Variants in PHTF1 observed in about 807,000 individuals in gnomAD.
The protein encoded by PHTF1 is protein PHTF1.
Under a neutral mutation model 102.4 loss-of-function variants are expected in PHTF1, and 88 were observed. The ratio of observed to expected loss-of-function variants is 0.86; its 90% CI spans 0.72 to 1.03. The LOEUF is 1.03. Ranked by LOEUF, PHTF1 falls within the 50% of genes least tolerant of loss-of-function variation. PHTF1 has a pLI of 0.00. For synonymous variants in PHTF1, 289 were observed against 305.2 expected (o/e 0.95, Z 0.55); for missense variants, 814 against 909.5 (o/e 0.89, Z 1.35).
intron 15 of PHTF1, among the ~76,000 whole-genome samples, chr1:113,703,125 G>C (rs1649631616): frequency 6.6e-6 from 1 of 152,166 alleles, no homozygotes; most frequent in Admixed American, 6.5e-5. Flanking sequence ...ATGGCTGACA[G>C]AATAAGCAGA....
chr1:113,739,991 C>T (rs1024073965), intron 3 of PHTF1, among the ~76,000 whole-genome samples: 3 of 152,124 alleles, frequency 2.0e-5, no homozygotes, highest in African/African-American at 4.8e-5. Context: ...TTGATGGACA[C>T]GTACACTGAA....
At chr1:113,754,790 T>C (rs1658599930) in intron 3 of PHTF1, among the ~76,000 whole-genome samples, 1 of 152,168 alleles carries the variant, frequency 6.6e-6, no homozygotes, top group South Asian at 2.1e-4. Flanking sequence ...TTAAAACCTT[T>C]CAATTTTCTA....
At chr1:113,706,207 T>C in intron 12 of PHTF1, 45 bp from the exon 13 acceptor site, 1 of 1,506,062 alleles carries the variant, frequency 6.6e-7, no homozygotes, top group East Asian at 2.3e-5. Flanking sequence ...GTTAGCTAAA[T>C]GGAGTTACAA....
chr1:113,742,993 T>C (rs1656664285), intron 3 of PHTF1, among the ~76,000 whole-genome samples: 1 of 151,996 alleles, frequency 6.6e-6, no homozygotes, highest in Admixed American at 6.6e-5. Context: ...GTTGTTGTTT[T>C]TGTAGAGAAG....
chr1:113,700,862 G>A lies in PHTF1; in HGVS notation c.1978C>T (p.Arg660Cys), dbSNP rs199544296. ...WETALLLFLL[R>C]LASLGSETNK... is the part of the protein sequence containing the mutation. ...GTTTCAGACCCCAGTGAGGCCAGACGCAATAAAAAAAGTAGTAAAGCTGTT... is the reference window on the plus strand; with the variant it reads ...GTTTCAGACCCCAGTGAGGCCAGACACAATAAAAAAAGTAGTAAAGCTGTT... Residue 660 changes from arginine to cysteine, a missense_variant, in exon 16 of 19, where the codon CGT becomes TGT. Coordinates refer to ENST00000369604, the MANE Select transcript of PHTF1 (RefSeq NM_001323043.2). 5.6e-5 allele frequency: 91 copies of A among 1,611,152 alleles called. No homozygotes were observed. The highest frequency in any genetic ancestry group is 1.1e-4 in the South Asian group (10 of 90,578).
At chr1:113,730,557 T>C (rs994983499) in intron 5 of PHTF1, among the ~76,000 whole-genome samples, 3 of 152,180 alleles carry the variant, frequency 2.0e-5, no homozygotes, top group Non-Finnish European at 4.4e-5. Context: ...GTTGTATCAT[T>C]ATAAAATCTA....
At chr1:113,698,022 AT>A (rs1253394713) in intron 18 of PHTF1, among the ~76,000 whole-genome samples, 1 of 152,136 alleles carries the variant, frequency 6.6e-6, no homozygotes, top group South Asian at 2.1e-4. Flanking sequence ...TTCAAACTTG[AT>A]TTTTTTTGTT....
intron 3 of PHTF1, among the ~76,000 whole-genome samples, chr1:113,746,672 C>CA (rs1467926087): frequency 1.3e-5 from 2 of 152,182 alleles, no homozygotes; most frequent in Non-Finnish European, 2.9e-5. Flanking sequence ...TAAATACTCA[C>CA]ATACCTCTAA....
chr1:113,725,865 G>C (rs1425930057), intron 6 of PHTF1: 1 of 153,796 alleles, frequency 6.5e-6, no homozygotes, highest in Non-Finnish European at 1.5e-5. Flanking sequence ...CTACTTGAGA[G>C]GCTGAGGCAG....
At chr1:113,724,334 A>T (rs1314281381) in intron 7 of PHTF1, among the ~76,000 whole-genome samples, 1 of 152,046 alleles carries the variant, frequency 6.6e-6, no homozygotes, top group East Asian at 1.9e-4. Context: ...GAGGTCAGGA[A>T]TTCGATATCA....
intron 3 of PHTF1, among the ~76,000 whole-genome samples, chr1:113,754,665 T>C (rs559055710): frequency 6.6e-6 from 1 of 152,284 alleles, no homozygotes; most frequent in Admixed American, 6.5e-5. Context: ...ATATAGACAT[T>C]GAGAATAATA....
At chr1:113,721,245 G>GA (rs970469523) in intron 7 of PHTF1, among the ~76,000 whole-genome samples, 11 of 152,070 alleles carry the variant, frequency 7.2e-5, no homozygotes, top group African/African-American at 1.9e-4. Context: ...AAGAATGAAG[G>GA]AAAAAAACCA....
At chr1:113,749,060 T>TA (rs1657636396) in intron 3 of PHTF1, among the ~76,000 whole-genome samples, 1 of 152,212 alleles carries the variant, frequency 6.6e-6, no homozygotes, top group African/African-American at 2.4e-5. Context: ...TCCACTCTCT[T>TA]AGCATTTTTC....
intron 3 of PHTF1, among the ~76,000 whole-genome samples, chr1:113,749,874 C>G (rs990456723): frequency 6.6e-6 from 1 of 152,194 alleles, no homozygotes; most frequent in Non-Finnish European, 1.5e-5. Context: ...ACTGTAGTCT[C>G]TTCTTCCATT....
intron 3 of PHTF1, among the ~76,000 whole-genome samples, chr1:113,756,022 G>A (rs560737447): frequency 8.8e-5 from 13 of 148,404 alleles, no homozygotes; most frequent in South Asian, 8.5e-4. Context: ...AGCCGAGATC[G>A]CTCCACTGCA....
chr1:113,753,726 T>C (rs1208481076), intron 3 of PHTF1, among the ~76,000 whole-genome samples: 2 of 150,832 alleles, frequency 1.3e-5, no homozygotes, highest in African/African-American at 4.9e-5. Flanking sequence ...GCCCAGCCTT[T>C]TTTTTTTTTT....
intron 3 of PHTF1, 114 bp from the exon 4 acceptor site, chr1:113,738,913 G>A (rs190637137): frequency 1.5e-4 from 94 of 623,624 alleles, no homozygotes; most frequent in African/African-American, 3.4e-4. Flanking sequence ...GTGCAATGGC[G>A]TGATCTCGGC....
At chr1:113,758,815 C>G in intron 1 of PHTF1, 82 bp from the exon 2 acceptor site, 1 of 1,473,444 alleles carries the variant, frequency 6.8e-7, no homozygotes, top group Non-Finnish European at 9.0e-7. Flanking sequence ...AAAACCGCTT[C>G]TCTCAGCCTC....
Position 113,713,206 on chromosome 1 carries a change from T to C in PHTF1, c.783+73A>G, listed in dbSNP as rs17031795. The stretch of plus-strand genomic sequence containing the variant: ...TAAACCTACTAGTACCTATTTTATA[T>C]CTCTAACAGAATCTTAATAGGAAAA... On this transcript the variant is annotated intron_variant, in intron 8 of 18. Transcript: ENST00000369604. 0.12 allele frequency: 167,558 copies of C among 1,340,932 alleles called. 11,075 individuals carry two copies. The highest frequency in any genetic ancestry group is 0.21 in the East Asian group (9,201 of 43,474). 83.1% of individuals were successfully genotyped at this position (1,340,932 alleles called of 1,614,324 possible). A position where few individuals can be genotyped will look rare whatever the true frequency, so the allele number is the denominator to read the frequency against.
Sources: gnomAD v4.1 joint callset for allele counts (sites outside exome capture counted in the v4.1 genomes callset) on GRCh38, gnomAD v4.1.1 for gene constraint, MANE v1.5 for transcripts, NCBI Gene and HGNC (gene_info 2026-07-23, HGNC 2026-07-21) for gene names.